Variants in SLC24A2 observed in about 807,000 individuals in gnomAD.
SLC24A2 encodes the protein solute carrier family 24 member 2.
In SLC24A2, 36 loss-of-function variants were observed where a neutral mutation model predicts 62.0. The ratio of observed to expected loss-of-function variants is 0.58; its 90% CI spans 0.44 to 0.77. The LOEUF (loss-of-function observed/expected upper bound fraction) is 0.77. Ranked by LOEUF, SLC24A2 falls within the 30% of genes least tolerant of loss-of-function variation. The pLI, the probability that SLC24A2 is intolerant of heterozygous loss-of-function variation, is 0.00. For synonymous variants in SLC24A2, 358 were observed against 294.0 expected, an observed-to-expected ratio of 1.22 and a Z score of -2.23; for missense variants, 846 against 817.9, an observed-to-expected ratio of 1.03 and a Z score of -0.42.
At chr9:20,276,702 A>T in the SLC24A2 span, among the ~76,000 whole-genome samples, 1 of 152,156 alleles carries the variant, frequency 6.6e-6, no homozygotes, top group Non-Finnish European at 1.5e-5. Context: ...CCTGCAGCAC[A>T]CCTCTGCCTA....
At chr9:19,557,863 T>A (rs1687159542) in intron 7 of SLC24A2, among the ~76,000 whole-genome samples, 1 of 150,920 alleles carries the variant, frequency 6.6e-6, no homozygotes. Context: ...TAGACTAGAG[T>A]GCTAGAGTGC....
the SLC24A2 span, among the ~76,000 whole-genome samples, chr9:20,297,694 T>A: frequency 6.6e-6 from 1 of 152,190 alleles, no homozygotes; most frequent in Non-Finnish European, 1.5e-5. Flanking sequence ...GCAACACGGG[T>A]GGATCCGTGG....
the SLC24A2 span, among the ~76,000 whole-genome samples, chr9:19,986,391 A>G: frequency 7.0e-6 from 1 of 142,180 alleles, no homozygotes; most frequent in East Asian, 2.2e-4. Flanking sequence ...CAAAAAGTTA[A>G]GTATAGGATG....
chr9:20,075,496 C>T, the SLC24A2 span, among the ~76,000 whole-genome samples: 88 of 152,326 alleles, frequency 5.8e-4, 1 homozygote, highest in East Asian at 0.017. Flanking sequence ...TCAAGCCCAA[C>T]ATTGTTAGAC....
intron 2 of SLC24A2, among the ~76,000 whole-genome samples, chr9:19,703,632 T>C (rs1383719095): frequency 3.3e-5 from 5 of 152,176 alleles, no homozygotes; most frequent in African/African-American, 4.8e-5. Context: ...AAAACTCTTG[T>C]GTTGAAGGGT....
chr9:19,843,409 G>T, the SLC24A2 span, among the ~76,000 whole-genome samples: 1 of 152,228 alleles, frequency 6.6e-6, no homozygotes, highest in Non-Finnish European at 1.5e-5. Context: ...CTACTCAGGA[G>T]GCTGAGGCCA....
chr9:20,305,669 T>A, the SLC24A2 span, among the ~76,000 whole-genome samples: 6 of 152,292 alleles, frequency 3.9e-5, no homozygotes, highest in Admixed American at 2.6e-4. Context: ...TTTGAGCATA[T>A]AACTCTGCGA....
chr9:20,274,122 T>G, the SLC24A2 span, among the ~76,000 whole-genome samples: 47 of 152,288 alleles, frequency 3.1e-4, no homozygotes, highest in African/African-American at 1.0e-3. Context: ...TAAGCCAAAG[T>G]TCCTTCTCTC....
At position 19,545,287 on chromosome 9, in the gene SLC24A2, A is replaced by G. The variant is rs535623422; in HGVS notation, c.1479+4850T>C. Among the ~76,000 whole-genome samples the G allele has an allele frequency of 7.9e-5, 12 of 151,992 alleles. No individual in the cohort carries two copies. The South Asian group carries it at 2.5e-3, about 32-fold the overall frequency. On this transcript the variant is annotated intron_variant, in intron 8 of 10. Coordinates refer to ENST00000341998, the MANE Select transcript of SLC24A2 (RefSeq NM_020344.4). ...GTTTTTCAGCTCCATCAGGTCATTT[A>G]TGTTCTTCTCGAAACTGGTTATTCC...
chr9:19,622,269 T>G lies in SLC24A2; in HGVS notation c.961A>C (p.Thr321Pro). ...AAGCCACTGCTTCCTACCGGTAGAG[T>G]TGGTTCATCCTTGTCCCTGGCTGCA... Reference protein sequence around the residue: ...PSAARDKDEPTLPAKPRLQRG... With the variant: ...PSAARDKDEPPLPAKPRLQRG... The change falls in exon 3 of 11, where the codon ACT (threonine) becomes CCT (proline). Residue 321 changes from threonine (T) to proline (P), a missense_variant. Coordinates refer to ENST00000341998, the MANE Select transcript of SLC24A2 (RefSeq NM_020344.4). 1 of 1,613,042 alleles carries G rather than the reference T, an allele frequency of 6.2e-7. No homozygotes were observed. Among genetic ancestry groups the G allele is most frequent in the South Asian group, 1.1e-5 (1 of 91,014 alleles).
intron 2 of SLC24A2, among the ~76,000 whole-genome samples, chr9:19,763,185 G>T (rs905211589): frequency 3.3e-5 from 5 of 152,206 alleles, no homozygotes; most frequent in Admixed American, 6.5e-5. Context: ...AGACTTTGCT[G>T]AAGTTGTTTA....
intron 2 of SLC24A2, among the ~76,000 whole-genome samples, chr9:19,660,751 T>C (rs1312939928): frequency 5.3e-5 from 8 of 152,184 alleles, no homozygotes; most frequent in Admixed American, 6.5e-5. Context: ...AAGTGTATTC[T>C]AGAACTTTTA....
Position 19,509,505 on chromosome 9 carries a change from TTTAA to T in SLC24A2, c.*6644_*6647del, listed in dbSNP as rs1479772286. Reference sequence around the variant, plus strand: ...ATATGTATTATTGGTATTTTATGGCTTTAATTAAGACAGTTGTCTCTTATGAAGT... The same window carrying T: ...ATATGTATTATTGGTATTTTATGGCTTTAAGACAGTTGTCTCTTATGAAGT... On this transcript the variant is annotated 3_prime_UTR_variant, in exon 11 of 11. Coordinates refer to ENST00000341998, the MANE Select transcript of SLC24A2 (RefSeq NM_020344.4). 6.6e-6 allele frequency: 1 copy of T among 152,180 alleles called. No homozygotes were observed. The highest frequency in any genetic ancestry group is 1.5e-5 in the Non-Finnish European group (1 of 68,016). The allele number at this position is 152,180 out of a possible 1,614,324, so 9.4% of individuals were successfully genotyped here.
chr9:19,785,424 GACA>G (rs1823133431), intron 2 of SLC24A2, among the ~76,000 whole-genome samples: 1 of 152,214 alleles, frequency 6.6e-6, no homozygotes. Flanking sequence ...AAACAGCCAT[GACA>G]ACAATAATGA....
At chr9:20,039,376 A>G in the SLC24A2 span, among the ~76,000 whole-genome samples, 2 of 152,134 alleles carry the variant, frequency 1.3e-5, no homozygotes, top group Non-Finnish European at 2.9e-5. Context: ...GGCAGCTGGC[A>G]GCAAGGCTGA....
the SLC24A2 span, among the ~76,000 whole-genome samples, chr9:20,072,869 G>A: frequency 1.3e-3 from 199 of 152,154 alleles, 1 homozygote; most frequent in Non-Finnish European, 1.7e-3. Context: ...ACCTTAACCC[G>A]CTGAATCTGA....
At chr9:19,726,927 G>C (rs1354454989) in intron 2 of SLC24A2, among the ~76,000 whole-genome samples, 1 of 152,154 alleles carries the variant, frequency 6.6e-6, no homozygotes, top group African/African-American at 2.4e-5. Context: ...ATGTCAGAAA[G>C]ATGGTATTTT....
chr9:19,898,646 G>A, the SLC24A2 span, among the ~76,000 whole-genome samples: 1 of 150,514 alleles, frequency 6.6e-6, no homozygotes, highest in South Asian at 2.1e-4. Flanking sequence ...GGAGGCTAAG[G>A]CAGGAGAATG....
Position 19,542,348 on chromosome 9 carries a change from A to G in SLC24A2, c.1479+7789T>C, listed in dbSNP as rs535843716. ...CTTAAGGAGATTTTGGGCTGGGACA[A>G]TAGAGTTTTCTAAATATACAATCAT... On this transcript the variant is annotated intron_variant, in intron 8 of 10. Transcript: ENST00000341998. 1.2e-3 allele frequency among the ~76,000 whole-genome samples: 183 copies of G among 152,296 alleles called. 1 individual carries two copies. Among genetic ancestry groups the G allele is most frequent in the African/African-American group, 4.1e-3 (171 of 41,546 alleles).
Sources: gnomAD v4.1 joint callset for allele counts (sites outside exome capture counted in the v4.1 genomes callset) on GRCh38, gnomAD v4.1.1 for gene constraint, MANE v1.5 for transcripts, NCBI Gene and HGNC (gene_info 2026-07-23, HGNC 2026-07-21) for gene names.